The following ACACA variants were observed in gnomAD, a reference collection of about 807,000 sequenced individuals.
ACACA encodes acetyl-CoA carboxylase 1.
Under a neutral mutation model 296.1 loss-of-function variants are expected in ACACA, and 103 were observed. That is an observed-to-expected ratio of 0.35 (90% CI 0.30 to 0.41). The LOEUF is 0.41. Ranked by LOEUF, ACACA falls within the 10% of genes least tolerant of loss-of-function variation. ACACA has a pLI of 1.00. For missense variants in ACACA, 1,554 were observed against 2,989.7 expected (o/e 0.52, Z 11.20); for synonymous variants, 953 against 1,038.6 (o/e 0.92, Z 1.58).
chr17:37,397,705 A>G (rs187798520), intron 1 of ACACA, among the ~76,000 whole-genome samples: 1 of 152,108 alleles, frequency 6.6e-6, no homozygotes, highest in East Asian at 1.9e-4. Flanking sequence ...AATTCTAAAA[A>G]TTTCCCTCAA....
chr17:37,299,818 A>G (rs2083533528), intron 3 of ACACA: 1 of 991,748 alleles, frequency 1.0e-6, no homozygotes, highest in South Asian at 4.6e-5. Flanking sequence ...ATTTACAAGG[A>G]CAATTAAGCC....
At chr17:37,331,665 C>G (rs897637365) in intron 2 of ACACA, among the ~76,000 whole-genome samples, 2 of 152,116 alleles carry the variant, frequency 1.3e-5, no homozygotes, top group Non-Finnish European at 2.9e-5. Flanking sequence ...CTCAGCCTCT[C>G]AAAGTGCTAG....
chr17:37,276,988 G>A, intron 7 of ACACA, 45 bp downstream of exon 7: 1 of 1,550,740 alleles, frequency 6.4e-7, no homozygotes, highest in Non-Finnish European at 8.9e-7. Flanking sequence ...GGGCAAAATT[G>A]ACAGAAAGAA....
At position 37,248,573 on chromosome 17, in the gene ACACA, T is replaced by G. The variant is rs200274843; in HGVS notation, c.2163+20A>C. ...ATAGCTAAAAAAGTAAGGTGCAAGC[T>G]CCAATGGGGTTCTGCATACCTTAAG... On this transcript the variant is annotated intron_variant, in intron 17 of 55. Transcript: ENST00000616317. The G allele has an allele frequency of 1.7e-5, 26 of 1,556,564 alleles. No homozygotes were observed. In the Admixed American group the frequency reaches 3.8e-4, roughly 23 times the overall value.
At chr17:37,234,193 C>A (rs556123228) in intron 25 of ACACA, among the ~76,000 whole-genome samples, 9 of 152,274 alleles carry the variant, frequency 5.9e-5, no homozygotes, top group African/African-American at 2.2e-4. Context: ...GACAGGCATG[C>A]AGCAGCAAGG....
intron 24 of ACACA, 30 bp downstream of exon 24, chr17:37,240,446 T>G: frequency 6.2e-7 from 1 of 1,603,450 alleles, no homozygotes; most frequent in East Asian, 2.2e-5. Flanking sequence ...AAGGCTTTCT[T>G]AGCTAGAGAG....
chr17:37,364,639 C>A (rs551001125), intron 1 of ACACA, among the ~76,000 whole-genome samples: 17 of 92 alleles, frequency 0.18, no homozygotes, highest in African/African-American at 0.35. Flanking sequence ...ATGAAGAGCC[C>A]CCCCTGTCCT....
chr17:37,095,023 C>G (rs2072900477), intron 54 of ACACA, among the ~76,000 whole-genome samples: 1 of 152,004 alleles, frequency 6.6e-6, no homozygotes, highest in South Asian at 2.1e-4. Context: ...TCTTCAGACG[C>G]TCTGTCCGCT....
intron 25 of ACACA, among the ~76,000 whole-genome samples, chr17:37,234,750 G>A: frequency 6.6e-6 from 1 of 152,104 alleles, no homozygotes; most frequent in Non-Finnish European, 1.5e-5. Flanking sequence ...CTGTGAATGA[G>A]TATATGCATA....
chr17:37,275,724 C>A (rs1030033656), intron 8 of ACACA, among the ~76,000 whole-genome samples: 3 of 152,034 alleles, frequency 2.0e-5, no homozygotes, highest in African/African-American at 4.8e-5. Context: ...AGTTAACTCA[C>A]AAGATCACTC....
chr17:37,152,233 A>C (rs977663518), intron 43 of ACACA, among the ~76,000 whole-genome samples: 1 of 152,194 alleles, frequency 6.6e-6, no homozygotes, highest in African/African-American at 2.4e-5. Flanking sequence ...AACAAGGAAA[A>C]GGTTTGATGT....
At chr17:37,250,877 A>T (rs1238735702) in intron 16 of ACACA, among the ~76,000 whole-genome samples, 2 of 151,594 alleles carry the variant, frequency 1.3e-5, no homozygotes, top group Non-Finnish European at 2.9e-5. Context: ...TACAAAAAAA[A>T]TTAGCCGGGC....
At chr17:37,316,302 T>TACAC (rs10533479) in intron 3 of ACACA, among the ~76,000 whole-genome samples, 2,108 of 142,574 alleles carry the variant, frequency 0.015, 26 homozygotes, top group Middle Eastern at 0.018. Flanking sequence ...TACCCTTACA[T>TACAC]ACACACACAC....
At chr17:37,254,871 A>C (rs1044526537) in intron 14 of ACACA, among the ~76,000 whole-genome samples, 1 of 151,902 alleles carries the variant, frequency 6.6e-6, no homozygotes, top group Non-Finnish European at 1.5e-5. Context: ...ATGTCAGAAA[A>C]AAAAAAAAAA....
intron 31 of ACACA, 94 bp downstream of exon 31, chr17:37,207,563 C>T: frequency 5.4e-6 from 8 of 1,477,174 alleles, no homozygotes; most frequent in South Asian, 1.2e-5. Flanking sequence ...CATGGCTATT[C>T]GGGAGACCTT....
intron 25 of ACACA, among the ~76,000 whole-genome samples, chr17:37,230,372 G>A (rs575253307): frequency 6.1e-5 from 9 of 147,668 alleles, no homozygotes; most frequent in East Asian, 2.0e-4. Flanking sequence ...CAATAAGAGC[G>A]AAACTCCATC....
intron 29 of ACACA, among the ~76,000 whole-genome samples, chr17:37,212,463 T>A (rs1482712859): frequency 6.6e-6 from 1 of 152,104 alleles, no homozygotes; most frequent in Non-Finnish European, 1.5e-5. Flanking sequence ...ACATCTCTAA[T>A]TTTTAAAGGA....
intron 3 of ACACA, among the ~76,000 whole-genome samples, chr17:37,289,905 T>A (rs766138173): frequency 2.0e-5 from 3 of 152,226 alleles, no homozygotes; most frequent in Non-Finnish European, 4.4e-5. Flanking sequence ...TTACATGAGC[T>A]TAACACATCT....
intron 40 of ACACA, among the ~76,000 whole-genome samples, chr17:37,179,960 G>A (rs1247945678): frequency 6.6e-6 from 1 of 152,134 alleles, no homozygotes; most frequent in Non-Finnish European, 1.5e-5. Context: ...GATCAATTCT[G>A]CTCAATTTTG....
Sources: gnomAD v4.1 joint callset for allele counts (sites outside exome capture counted in the v4.1 genomes callset) on GRCh38, gnomAD v4.1.1 for gene constraint, MANE v1.5 for transcripts, NCBI Gene and HGNC (gene_info 2026-07-23, HGNC 2026-07-21) for gene names.